Variants in CTTNBP2 observed in about 807,000 individuals in gnomAD.
The protein encoded by CTTNBP2 is cortactin binding protein 2.
A neutral mutation model predicts 156.9 loss-of-function variants in CTTNBP2; 108 were observed. That is an observed-to-expected ratio of 0.69 (90% CI 0.59 to 0.81). The LOEUF is 0.81. Ranked by LOEUF, CTTNBP2 falls within the 30% of genes least tolerant of loss-of-function variation. The pLI is 0.00. For synonymous variants in CTTNBP2, 767 were observed against 751.8 expected (o/e 1.02, Z -0.33); for missense variants, 1,924 against 2,035.4 (o/e 0.95, Z 1.05).
At chr7:117,785,495 A>G (rs1031917831) in intron 4 of CTTNBP2, among the ~76,000 whole-genome samples, 2 of 152,212 alleles carry the variant, frequency 1.3e-5, no homozygotes, top group Admixed American at 6.5e-5. Context: ...GCATATGTAC[A>G]TATATTCATC....
intron 9 of CTTNBP2, among the ~76,000 whole-genome samples, 178 bp from the exon 10 acceptor site, chr7:117,760,888 T>C (rs1584957863): frequency 6.6e-6 from 1 of 152,184 alleles, no homozygotes; most frequent in Non-Finnish European, 1.5e-5. Context: ...TGTCTCCCAA[T>C]CTCTTCAGTT....
At chr7:117,838,247 T>A (rs1231098771) in intron 2 of CTTNBP2, among the ~76,000 whole-genome samples, 5 of 152,006 alleles carry the variant, frequency 3.3e-5, no homozygotes, top group Admixed American at 6.6e-5. Context: ...CCAGGAAAAA[T>A]AAACTAAACT....
intron 2 of CTTNBP2, among the ~76,000 whole-genome samples, chr7:117,820,463 T>G (rs369338911): frequency 1.3e-5 from 2 of 152,266 alleles, no homozygotes; most frequent in African/African-American, 4.8e-5. Flanking sequence ...AAGAAACCTT[T>G]GTCTAATTTG....
rs1171984322 is a variant in CTTNBP2, at chr7:117,782,837, A to G, written c.2372+25T>C. The G allele has an allele frequency of 9.7e-6, 15 of 1,544,982 alleles. No individual in the cohort carries two copies. In the Admixed American group the frequency reaches 2.3e-4, roughly 24 times the overall value. ...AAAAAGAGGCTCCTTTGATGGTGGG[A>G]AAAAAAGAATTAAGAGCAACTTACT... On this transcript the variant is annotated intron_variant, in intron 6 of 22. Coordinates refer to ENST00000160373, the MANE Select transcript of CTTNBP2 (RefSeq NM_033427.3).
chr7:117,814,137 G>A (rs1800439697), intron 2 of CTTNBP2, among the ~76,000 whole-genome samples: 1 of 152,002 alleles, frequency 6.6e-6, no homozygotes, highest in African/African-American at 2.4e-5. Context: ...TTTGATAAGT[G>A]GGTTAAAAAT....
At chr7:117,871,252 A>G (rs1182377132) in intron 1 of CTTNBP2, among the ~76,000 whole-genome samples, 2 of 152,226 alleles carry the variant, frequency 1.3e-5, no homozygotes, top group East Asian at 3.8e-4. Context: ...TTTCACTTAA[A>G]AATCAGTCTA....
At chr7:117,865,498 T>C (rs1465592149) in intron 1 of CTTNBP2, among the ~76,000 whole-genome samples, 1 of 142,908 alleles carries the variant, frequency 7.0e-6, no homozygotes, top group Admixed American at 7.0e-5. Context: ...CCGTCTCTAC[T>C]AAAATACAAA....
chr7:117,792,113 G>A lies in CTTNBP2; in HGVS notation c.1083C>T (p.Ser361=). The change falls in exon 4 of 23, where the codon TCC becomes TCT. Residue 361 remains serine, a synonymous_variant. Coordinates refer to ENST00000160373, the MANE Select transcript of CTTNBP2 (RefSeq NM_033427.3). The surrounding 1 kb of genome is among the most constrained non-coding windows in gnomAD (Gnocchi z 4.2). ...MARPGIDRQA[S]YGDLIGASVP... ...CAGAAGCGCCAATCAAGTCACCATA[G>A]GAAGCCTGCCTGTCAATACCTGGTC... 6.2e-7 allele frequency: 1 copy of A among 1,614,150 alleles called. No homozygotes were observed. Among genetic ancestry groups the A allele is most frequent in the Non-Finnish European group, 8.5e-7 (1 of 1,180,024 alleles).
intron 19 of CTTNBP2, 64 bp downstream of exon 19, chr7:117,724,483 T>C: frequency 1.4e-6 from 2 of 1,394,742 alleles, no homozygotes; most frequent in South Asian, 1.4e-5. Flanking sequence ...GCATATTTGC[T>C]TTCAGACACT....
intron 3 of CTTNBP2, among the ~76,000 whole-genome samples, chr7:117,809,291 T>C (rs1042304209): frequency 6.6e-6 from 1 of 152,198 alleles, no homozygotes. Context: ...AGAACAGAAG[T>C]AAAATTTTAG....
chr7:117,796,228 C>T (rs1382146678), intron 3 of CTTNBP2, among the ~76,000 whole-genome samples: 1 of 152,222 alleles, frequency 6.6e-6, no homozygotes, highest in African/African-American at 2.4e-5. Context: ...CTGGGACTCA[C>T]TCCGTCAGTT....
intron 3 of CTTNBP2, among the ~76,000 whole-genome samples, chr7:117,795,930 C>T (rs1799288317): frequency 6.6e-6 from 1 of 152,130 alleles, no homozygotes; most frequent in Non-Finnish European, 1.5e-5. Context: ...CTCTACCTAA[C>T]TTTATTTAGC....
At position 117,782,972 on chromosome 7, in the gene CTTNBP2, T is replaced by C. The variant is rs767054594; in HGVS notation, c.2273-11A>G. The C allele has an allele frequency of 3.1e-6, 5 of 1,595,086 alleles. No individual in the cohort carries two copies. In the South Asian group the frequency reaches 3.4e-5, roughly 11 times the overall value. On this transcript the variant is annotated splice_polypyrimidine_tract_variant and intron_variant, in intron 5 of 22. Coordinates refer to ENST00000160373, the MANE Select transcript of CTTNBP2 (RefSeq NM_033427.3). ...GCAATCTCACACAGTCTATGGATTT[T>C]AATAGAAAGCCATGTAAATTCCCCA...
intron 5 of CTTNBP2, 68 bp from the exon 6 acceptor site, chr7:117,783,029 A>G (rs1330284819): frequency 7.3e-6 from 8 of 1,095,706 alleles, no homozygotes; most frequent in African/African-American, 1.5e-5. Context: ...ATTCTATACA[A>G]GCTGTAGATA....
chr7:117,747,987 A>G lies in CTTNBP2; in HGVS notation c.3349-1888T>C, dbSNP rs151011792. On this transcript the variant is annotated intron_variant, in intron 12 of 22. Coordinates refer to ENST00000160373, the MANE Select transcript of CTTNBP2 (RefSeq NM_033427.3). Reference sequence around the variant, plus strand: ...ATCATGTCTGGTAGCCTCCCGTAATATTCTCTGAGTTGGAATACTGTTCAA... The same window carrying G: ...ATCATGTCTGGTAGCCTCCCGTAATGTTCTCTGAGTTGGAATACTGTTCAA... Among the ~76,000 whole-genome samples, 89 of 152,190 alleles carry G rather than the reference A, an allele frequency of 5.8e-4. No individual in the cohort carries two copies. The East Asian group carries it at 0.015, about 26-fold the overall frequency.
chr7:117,740,139 G>A (rs925610976), intron 14 of CTTNBP2, among the ~76,000 whole-genome samples: 24 of 152,166 alleles, frequency 1.6e-4, no homozygotes, highest in Non-Finnish European at 8.8e-5. Flanking sequence ...AAGGGAATAT[G>A]AGAAGAAAAT....
intron 4 of CTTNBP2, among the ~76,000 whole-genome samples, chr7:117,784,938 G>A (rs1798632295): frequency 6.6e-6 from 1 of 152,092 alleles, no homozygotes; most frequent in Non-Finnish European, 1.5e-5. Flanking sequence ...TTTCTAAAAT[G>A]TTTAATTACA....
chr7:117,857,278 C>A (rs565642838), intron 2 of CTTNBP2, among the ~76,000 whole-genome samples: 1 of 152,234 alleles, frequency 6.6e-6, no homozygotes, highest in South Asian at 2.1e-4. Flanking sequence ...ATCAATATTG[C>A]TCTTTTAAAA....
At chr7:117,809,506 G>A (rs1446756602) in intron 3 of CTTNBP2, among the ~76,000 whole-genome samples, 1 of 152,108 alleles carries the variant, frequency 6.6e-6, no homozygotes, top group Non-Finnish European at 1.5e-5. Context: ...TGTGGTTTGT[G>A]GGGAGTTTTG....
Sources: allele counts gnomAD v4.1 joint callset (sites outside exome capture counted in the v4.1 genomes callset), GRCh38; gene constraint gnomAD v4.1.1; non-coding constraint Gnocchi (gnomAD v3.1); transcripts MANE v1.5; gene names NCBI Gene and HGNC (gene_info 2026-07-23, HGNC 2026-07-21).